POU2F1: variants seen among roughly 807,000 people sequenced by gnomAD.
POU2F1 encodes the protein POU class 2 homeobox 1, also known as POU domain, class 2, transcription factor 1.
A neutral mutation model predicts 84.9 loss-of-function variants in POU2F1; 16 were observed. The observed-to-expected ratio is 0.19, with a 90% CI of 0.13 to 0.29. POU2F1 has a LOEUF of 0.29. Ranked by LOEUF, POU2F1 falls within the 10% of genes least tolerant of loss-of-function variation. The pLI is 1.00. For missense variants in POU2F1, 738 were observed against 942.6 expected, an observed-to-expected ratio of 0.78 and a Z score of 2.84; for synonymous variants, 368 against 368.3, an observed-to-expected ratio of 1.00 and a Z score of 0.01.
chr1:167,300,432 T>C (rs1487802823), intron 1 of POU2F1, among the ~76,000 whole-genome samples: 1 of 152,122 alleles, frequency 6.6e-6, no homozygotes, highest in Non-Finnish European at 1.5e-5. Context: ...AAATTAAAAA[T>C]TTACAAAAAG....
intron 1 of POU2F1, among the ~76,000 whole-genome samples, chr1:167,294,019 A>G (rs1283966076): frequency 2.0e-5 from 3 of 151,828 alleles, no homozygotes; most frequent in Non-Finnish European, 4.4e-5. Context: ...AACCTTGGAA[A>G]ACCTCTTCTG....
chr1:167,280,896 A>G (rs1329632219), intron 1 of POU2F1, among the ~76,000 whole-genome samples: 1 of 152,238 alleles, frequency 6.6e-6, no homozygotes, highest in Non-Finnish European at 1.5e-5. Flanking sequence ...TCAATAAAGT[A>G]GGAACACACA....
At chr1:167,240,903 G>A (rs1649851200) in intron 1 of POU2F1, among the ~76,000 whole-genome samples, 1 of 152,136 alleles carries the variant, frequency 6.6e-6, no homozygotes, top group South Asian at 2.1e-4. Flanking sequence ...AGCACATTGG[G>A]AGGCCTAGGT....
At chr1:167,273,864 T>G (rs1652543579) in intron 1 of POU2F1, among the ~76,000 whole-genome samples, 1 of 152,142 alleles carries the variant, frequency 6.6e-6, no homozygotes, top group African/African-American at 2.4e-5. Context: ...AATGTAAGAG[T>G]GAAAGAAATT....
At position 167,253,376 on chromosome 1, in the gene POU2F1, G is replaced by GCC. The variant is rs57789204; in HGVS notation, c.61+32430_61+32431dup. Among the ~76,000 whole-genome samples, 461 of 120,832 alleles carry GCC rather than the reference G, an allele frequency of 3.8e-3. 10 individuals are homozygous for GCC. Among genetic ancestry groups the GCC allele is most frequent in the African/African-American group, 5.6e-3 (140 of 24,970 alleles). The allele number at this position is 120,832 out of a possible 152,430, so 79.3% of individuals were successfully genotyped here. A position where few individuals can be genotyped will look rare whatever the true frequency, so the allele number is the denominator to read the frequency against. ...ATTCTGTTTCATTCTTTATTTTTCT[G>GCC]CCCCCCCCCCCCCAAACACACAGGA... On this transcript the variant is annotated intron_variant, in intron 1 of 15. Coordinates refer to ENST00000367866, the MANE Select transcript of POU2F1 (RefSeq NM_002697.4).
chr1:167,252,152 G>A (rs577313871), intron 1 of POU2F1, among the ~76,000 whole-genome samples: 3 of 152,036 alleles, frequency 2.0e-5, no homozygotes, highest in African/African-American at 4.8e-5. Flanking sequence ...GTGAGCCACC[G>A]CTGCAAGTCT....
chr1:167,336,591 A>C (rs1245813491), intron 2 of POU2F1, among the ~76,000 whole-genome samples: 1 of 152,214 alleles, frequency 6.6e-6, no homozygotes, highest in East Asian at 1.9e-4. Flanking sequence ...CTGCAGTTAT[A>C]GTTGCCATCC....
rs1045086081 is a variant in POU2F1, at chr1:167,332,368, T to C, written c.62-102T>C. ...ACTGGGTCTTCTTAAACTATATGAC[T>C]ATAACATTAGTTAACCCTTTTCTCT... On this transcript the variant is annotated intron_variant, in intron 1 of 15. Transcript: ENST00000367866. 5 of 777,568 alleles carry C rather than the reference T, an allele frequency of 6.4e-6. No homozygotes were observed. The African/African-American group carries it at 6.9e-5, about 11-fold the overall frequency. 48.2% of individuals were successfully genotyped at this position (777,568 alleles called of 1,614,324 possible).
At chr1:167,279,096 C>T (rs1196317918) in intron 1 of POU2F1, among the ~76,000 whole-genome samples, 3 of 152,116 alleles carry the variant, frequency 2.0e-5, no homozygotes, top group African/African-American at 7.2e-5. Context: ...TATAATGGTA[C>T]ACAGTGCTTA....
At chr1:167,284,965 G>A (rs1215433912) in intron 1 of POU2F1, among the ~76,000 whole-genome samples, 1 of 152,118 alleles carries the variant, frequency 6.6e-6, no homozygotes, top group Non-Finnish European at 1.5e-5. Flanking sequence ...ATCTATACTC[G>A]ATTCATTTGT....
intron 13 of POU2F1, among the ~76,000 whole-genome samples, chr1:167,407,387 C>T (rs116724625): frequency 0.025 from 3,729 of 152,186 alleles, 145 homozygotes; most frequent in African/African-American, 0.083. Context: ...CAGGTTTTTT[C>T]TTTGTTTTGT....
chr1:167,291,627 A>G (rs2102534614), intron 1 of POU2F1, among the ~76,000 whole-genome samples: 1 of 152,268 alleles, frequency 6.6e-6, no homozygotes, highest in Admixed American at 6.5e-5. Context: ...AGGAGATTCT[A>G]GGGGGTAGTC....
chr1:167,313,090 G>C (rs1048809295), intron 1 of POU2F1, among the ~76,000 whole-genome samples: 2 of 152,278 alleles, frequency 1.3e-5, no homozygotes, highest in Middle Eastern at 6.8e-3. Context: ...GTTAAACAAA[G>C]TATGACTATA....
chr1:167,337,990 G>T (rs1327497233), intron 2 of POU2F1: 9 of 385,756 alleles, frequency 2.3e-5, no homozygotes, highest in Non-Finnish European at 3.0e-5. Flanking sequence ...TTTATGATAT[G>T]GGCACTGAAA....
At position 167,368,001 on chromosome 1, in the gene POU2F1, A is replaced by T. The variant is rs1255997845; in HGVS notation, c.229-2160A>T. ...CTAAATACTTCAGCATGTTTTTCCT[A>T]AAAACAGCATTCTCTTATAAAACTG... On this transcript the variant is annotated intron_variant, in intron 3 of 15. Transcript: ENST00000367866. Among the ~76,000 whole-genome samples, 7 of 152,144 alleles carry T rather than the reference A, an allele frequency of 4.6e-5. 1 individual carries two copies.
At chr1:167,300,087 AAAG>A (rs1654575640) in intron 1 of POU2F1, among the ~76,000 whole-genome samples, 1 of 152,202 alleles carries the variant, frequency 6.6e-6, no homozygotes, top group African/African-American at 2.4e-5. Context: ...ACAACCATAA[AAAG>A]AACAAAACCA....
intron 1 of POU2F1, among the ~76,000 whole-genome samples, chr1:167,240,758 A>G (rs1015410735): frequency 7.2e-5 from 11 of 152,192 alleles, no homozygotes; most frequent in African/African-American, 2.7e-4. Flanking sequence ...GCCCTTCCCT[A>G]GAGGTTTGCC....
rs1650879699 is a variant in POU2F1 at position 167,425,134 on chromosome 1, A to C, written c.*9324A>C. 1 of 152,084 alleles carries C rather than the reference A, an allele frequency of 6.6e-6. No individual in the cohort carries two copies. The highest frequency in any genetic ancestry group is 6.5e-5 in the Admixed American group (1 of 15,268). 9.4% of individuals were successfully genotyped at this position (152,084 alleles called of 1,614,324 possible). ...GCCCTTTCACCTTTTCTTTGAATGTAGTTCCCAACCTTCAATTCCCACCCC... is the reference window on the plus strand; with the variant it reads ...GCCCTTTCACCTTTTCTTTGAATGTCGTTCCCAACCTTCAATTCCCACCCC... On this transcript the variant is annotated 3_prime_UTR_variant, in exon 16 of 16. Coordinates refer to ENST00000367866, the MANE Select transcript of POU2F1 (RefSeq NM_002697.4).
chr1:167,350,356 T>G (rs1024044493), intron 2 of POU2F1, among the ~76,000 whole-genome samples: 2 of 152,066 alleles, frequency 1.3e-5, no homozygotes, highest in African/African-American at 4.8e-5. Flanking sequence ...TTTTCCAGGG[T>G]TCCAGAAAAC....
Sources: gnomAD v4.1 joint callset for allele counts (sites outside exome capture counted in the v4.1 genomes callset) on GRCh38, gnomAD v4.1.1 for gene constraint, MANE v1.5 for transcripts, NCBI Gene and HGNC (gene_info 2026-07-23, HGNC 2026-07-21) for gene names.